The following SUMF1 variants were observed in gnomAD, a reference collection of about 807,000 sequenced individuals.
SUMF1 encodes the protein formylglycine-generating enzyme.
SUMF1 carries 48 observed loss-of-function variants against 47.6 expected under a neutral mutation model. The observed-to-expected ratio is 1.01, with a 90% CI of 0.80 to 1.28. The LOEUF (loss-of-function observed/expected upper bound fraction) is 1.28. SUMF1 is among the 50% of genes most tolerant of loss of function. SUMF1 has a pLI of 0.00. For missense variants in SUMF1, 571 were observed against 485.4 expected (o/e 1.18, Z -1.66); for synonymous variants, 230 against 192.1 (o/e 1.20, Z -1.63).
intron 8 of SUMF1, among the ~76,000 whole-genome samples, chr3:4,131,939 A>G (rs1207114698): frequency 1.3e-5 from 2 of 152,104 alleles, no homozygotes; most frequent in Non-Finnish European, 2.9e-5. Flanking sequence ...AGCAACATGG[A>G]CTTTCACTCA....
chr3:4,072,065 G>GCCCCT (rs1695540283), intron 8 of SUMF1, among the ~76,000 whole-genome samples: 1 of 152,130 alleles, frequency 6.6e-6, no homozygotes, highest in African/African-American at 2.4e-5. Context: ...TCTGGCAGGT[G>GCCCCT]CCCCTCTAAG....
chr3:4,166,990 G>A (rs149478403), intron 8 of SUMF1, among the ~76,000 whole-genome samples: 11 of 152,008 alleles, frequency 7.2e-5, no homozygotes, highest in African/African-American at 2.4e-4. Flanking sequence ...TTTAGCCTCC[G>A]AATTCTAAGG....
intron 8 of SUMF1, among the ~76,000 whole-genome samples, chr3:4,336,646 T>C (rs886382545): frequency 6.6e-6 from 1 of 152,210 alleles, no homozygotes; most frequent in Admixed American, 6.5e-5. Flanking sequence ...ACAAATTATA[T>C]GGAAAAATAT....
At chr3:4,120,700 A>G (rs1394627091) in intron 8 of SUMF1, among the ~76,000 whole-genome samples, 6 of 152,088 alleles carry the variant, frequency 3.9e-5, no homozygotes, top group Non-Finnish European at 7.4e-5. Flanking sequence ...GGTTTGGGCA[A>G]AGTGACTTAC....
chr3:4,146,372 G>A lies in SUMF1; in HGVS notation c.1015-77627C>T, dbSNP rs79189115. ...AGGGAGCCACAGTCTAAAAAAAGAT[G>A]GAGAGTGATGGAGCCTCCAGTAGAG... is the stretch of plus-strand genomic sequence containing the variant. On this transcript the variant is annotated intron_variant and NMD_transcript_variant, in intron 8 of 12. Coordinates refer to the SUMF1 transcript ENST00000448413. Among the ~76,000 whole-genome samples the A allele has an allele frequency of 2.7e-3, 402 of 150,992 alleles. 1 individual carries two copies. Among genetic ancestry groups the A allele is most frequent in the Non-Finnish European group, 4.5e-3 (302 of 67,852 alleles).
intron 8 of SUMF1, among the ~76,000 whole-genome samples, chr3:4,367,084 T>C (rs904212991): frequency 2.0e-5 from 3 of 152,064 alleles, no homozygotes; most frequent in Non-Finnish European, 4.4e-5. Flanking sequence ...GGAAGTTTTG[T>C]CTCAGAGGAG....
At chr3:4,261,554 C>T (rs1412939248) in intron 8 of SUMF1, among the ~76,000 whole-genome samples, 1 of 152,126 alleles carries the variant, frequency 6.6e-6, no homozygotes, top group Non-Finnish European at 1.5e-5. Flanking sequence ...ATCTGTTATC[C>T]CAGGGATTAT....
At chr3:4,413,706 T>C (rs1380662856) in intron 6 of SUMF1, among the ~76,000 whole-genome samples, 1 of 151,954 alleles carries the variant, frequency 6.6e-6, no homozygotes, top group African/African-American at 2.4e-5. Flanking sequence ...TTAGTCTCAC[T>C]GTGGTCAAAA....
chr3:4,181,179 T>C (rs1695087947), intron 8 of SUMF1, among the ~76,000 whole-genome samples: 2 of 152,176 alleles, frequency 1.3e-5, no homozygotes, highest in South Asian at 2.1e-4. Flanking sequence ...CTCTGACTTA[T>C]GTTTGGTAAA....
chr3:4,144,329 G>A (rs7635438), intron 8 of SUMF1, among the ~76,000 whole-genome samples: 5,785 of 152,128 alleles, frequency 0.038, 385 homozygotes, highest in African/African-American at 0.13. Context: ...GTATGTGGCA[G>A]ATGAGAAAAG....
At chr3:4,400,382 A>G (rs1217699074) in intron 7 of SUMF1, among the ~76,000 whole-genome samples, 3 of 152,228 alleles carry the variant, frequency 2.0e-5, no homozygotes, top group African/African-American at 7.2e-5. Flanking sequence ...AAAAGTGCCT[A>G]TTACCATGGA....
chr3:4,335,973 A>AAAAC (rs1553558812), intron 8 of SUMF1, among the ~76,000 whole-genome samples: 14 of 148,310 alleles, frequency 9.4e-5, no homozygotes, highest in South Asian at 6.7e-4. Context: ...AAAAAAAAAA[A>AAAAC]AAAAAAACAG....
At chr3:4,249,409 T>A (rs771597148) in intron 8 of SUMF1, among the ~76,000 whole-genome samples, 1 of 152,326 alleles carries the variant, frequency 6.6e-6, no homozygotes, top group Middle Eastern at 3.4e-3. Flanking sequence ...TGTCTCTGTG[T>A]CACGTTTTGG....
At chr3:4,245,502 G>A (rs1459130072) in intron 8 of SUMF1, among the ~76,000 whole-genome samples, 1 of 152,112 alleles carries the variant, frequency 6.6e-6, no homozygotes, top group Non-Finnish European at 1.5e-5. Context: ...CCCCTCAGCT[G>A]CAGGTCTGTT....
downstream of SUMF1, among the ~76,000 whole-genome samples, chr3:4,358,665 T>C (rs1355188069): frequency 6.6e-6 from 1 of 152,240 alleles, no homozygotes; most frequent in East Asian, 1.9e-4. Flanking sequence ...TCTAGTGATT[T>C]ATTTAGTGGC....
chr3:4,435,669 T>TA (rs1231476111), intron 3 of SUMF1, among the ~76,000 whole-genome samples: 3 of 152,142 alleles, frequency 2.0e-5, no homozygotes, highest in Non-Finnish European at 2.9e-5. Context: ...ACAATACATG[T>TA]AAGAGAAGTG....
intron 1 of SUMF1, among the ~76,000 whole-genome samples, chr3:4,458,943 CA>C (rs2079739196): frequency 6.6e-6 from 1 of 151,992 alleles, no homozygotes; most frequent in Non-Finnish European, 1.5e-5. Flanking sequence ...GAGCCAAGCA[CA>C]AAATGACAAA....
At chr3:4,236,665 C>G (rs1370524863) in intron 8 of SUMF1, among the ~76,000 whole-genome samples, 3 of 152,078 alleles carry the variant, frequency 2.0e-5, no homozygotes, top group Non-Finnish European at 4.4e-5. Context: ...GCAGAAAGTA[C>G]AGAGTTCTCA....
intron 8 of SUMF1, among the ~76,000 whole-genome samples, chr3:4,242,781 G>A (rs1339058390): frequency 1.3e-5 from 2 of 152,140 alleles, no homozygotes; most frequent in East Asian, 3.9e-4. Context: ...GATGATGTTG[G>A]CCTTATAAAA....
Sources: allele counts gnomAD v4.1 joint callset (sites outside exome capture counted in the v4.1 genomes callset), GRCh38; gene constraint gnomAD v4.1.1; transcripts MANE v1.5; gene names NCBI Gene and HGNC (gene_info 2026-07-23, HGNC 2026-07-21).